The following TUBA4A variants were observed in gnomAD, a reference collection of about 807,000 sequenced individuals.
TUBA4A encodes the protein tubulin alpha 4a.
In TUBA4A, 23 loss-of-function variants were observed where a neutral mutation model predicts 34.3. The observed-to-expected ratio is 0.67, with a 90% CI of 0.48 to 0.95. The LOEUF (loss-of-function observed/expected upper bound fraction) is 0.95, where lower values mean the gene tolerates loss of function less well. Among genes scored for constraint, TUBA4A ranks in the 40% least tolerant of loss-of-function variants. The pLI, the probability that TUBA4A is intolerant of heterozygous loss-of-function variation, is 0.00. For synonymous variants in TUBA4A, 216 were observed against 230.5 expected (o/e 0.94, Z 0.57); for missense variants, 279 against 599.0 (o/e 0.47, Z 5.58).
At position 219,252,349 on chromosome 2, in the gene TUBA4A, G is replaced by A; in HGVS notation, c.4-119C>T. ...GATGACTCAGTTGGCAAGAGTGGAG[G>A]GTTGGGGCTGGGCAGAGGTGAGAAG... On this transcript the variant is annotated intron_variant, in intron 1 of 3. Transcript: ENST00000248437. This position sits in a 1 kb window ranked among gnomAD's most constrained non-coding sequence, Gnocchi z 4.1. The A allele has an allele frequency of 9.9e-7, 1 of 1,006,118 alleles. No individual in the cohort carries two copies. The highest frequency in any genetic ancestry group is 1.5e-5 in the South Asian group (1 of 65,080). 62.3% of individuals were successfully genotyped at this position (1,006,118 alleles called of 1,614,324 possible). A position where few individuals can be genotyped will look rare whatever the true frequency, so the allele number is the denominator to read the frequency against.
chr2:219,254,099 C>A, upstream of TUBA4A: 1 of 422,892 alleles, frequency 2.4e-6, no homozygotes, highest in Non-Finnish European at 4.3e-6. Flanking sequence ...CCTCACCTGT[C>A]CCGCTGGGAT....
In TUBA4A at chr2:219,250,132, T is replaced by C. The variant is rs1951620458; in HGVS notation, c.*220A>G. 2 of 683,830 alleles carry C rather than the reference T, an allele frequency of 2.9e-6. No individual in the cohort carries two copies. The highest frequency in any genetic ancestry group is 2.7e-5 in the Admixed American group (1 of 36,722). 42.4% of individuals were successfully genotyped at this position (683,830 alleles called of 1,614,324 possible). ...CCCTAGGACTTCAATTTAAAGTCCC[T>C]GGGGTTATGCTTCCTGGGCCTGGCA... On this transcript the variant is annotated 3_prime_UTR_variant, in exon 4 of 4. Transcript: ENST00000248437. The surrounding 1 kb of genome is among the most constrained non-coding windows in gnomAD (Gnocchi z 8.4).
Position 219,251,406 on chromosome 2 carries a change from A to C in TUBA4A, c.376-83T>G. 1.9e-6 allele frequency: 3 copies of C among 1,542,288 alleles called. No homozygotes were observed. The highest frequency in any genetic ancestry group is 2.6e-6 in the Non-Finnish European group (3 of 1,143,142). On this transcript the variant is annotated intron_variant, in intron 3 of 3. Coordinates refer to ENST00000248437, the MANE Select transcript of TUBA4A (RefSeq NM_006000.3). This position sits in a 1 kb window ranked among gnomAD's most constrained non-coding sequence, Gnocchi z 6.1. The stretch of plus-strand genomic sequence containing the variant: ...ATCACCTGGCTCCATAAAGCGTAAG[A>C]TACATCAGCAGTCAGGGCAAATACT...
upstream of TUBA4A, chr2:219,254,196 G>A (rs895171621): frequency 2.2e-5 from 6 of 270,244 alleles, no homozygotes; most frequent in Admixed American, 5.3e-5. Context: ...GAGATGCAGG[G>A]TGCTGTGGCA....
At chr2:219,253,205 C>G (rs777145784) in intron 1 of TUBA4A, 24 of 1,497,066 alleles carry the variant, frequency 1.6e-5, no homozygotes, top group African/African-American at 8.4e-5. Context: ...CCCCTCCCCC[C>G]AACCTGGCCT....
chr2:219,251,936 T>A lies in TUBA4A; in HGVS notation c.226+72A>T. 6.6e-7 allele frequency: 1 copy of A among 1,513,064 alleles called. No homozygotes were observed. Among genetic ancestry groups the A allele is most frequent in the Non-Finnish European group, 9.1e-7 (1 of 1,098,052 alleles). The allele number at this position is 1,513,064 out of a possible 1,614,324, so 93.7% of individuals were successfully genotyped here. On this transcript the variant is annotated intron_variant, in intron 2 of 3. Coordinates refer to ENST00000248437, the MANE Select transcript of TUBA4A (RefSeq NM_006000.3). The surrounding 1 kb of genome is among the most constrained non-coding windows in gnomAD (Gnocchi z 6.1). ...CAGGGCTAGGAATGCCTGGTCTAAA[T>A]ACCCTCTCTCTCCAGGGAGAAGCTT...
Position 219,252,201 on chromosome 2 carries a change from C to T in TUBA4A, c.33G>A (p.Gln11=). Residue 11 remains glutamine, a synonymous_variant, in exon 2 of 4, where the codon CAG becomes CAA. Coordinates refer to ENST00000248437, the MANE Select transcript of TUBA4A (RefSeq NM_006000.3). The surrounding 1 kb of genome is among the most constrained non-coding windows in gnomAD (Gnocchi z 4.1). ...AGGCATTGCCCATCTGGACACCTGC[C>T]TGCCCCACGTGGACTGAGATGCATT... MRECISVHVG[Q]AGVQMGNACW... 6.2e-7 allele frequency: 1 copy of T among 1,614,118 alleles called. No homozygotes were observed.
Position 219,251,554 on chromosome 2 carries a change from C to T in TUBA4A, c.375+11G>A, listed in dbSNP as rs1206134430. 4 of 1,611,610 alleles carry T rather than the reference C, an allele frequency of 2.5e-6. No individual in the cohort carries two copies. Among genetic ancestry groups the T allele is most frequent in the African/African-American group, 2.7e-5 (2 of 74,980 alleles). On this transcript the variant is annotated intron_variant, in intron 3 of 3. Transcript: ENST00000248437. This position sits in a 1 kb window ranked among gnomAD's most constrained non-coding sequence, Gnocchi z 6.1. ...CTCAAAAGTTCCCTCCCTCCCAAGA[C>T]ACACTCTCACCAGCTTGCGGATCCG... is the stretch of plus-strand genomic sequence containing the variant.
rs1244551951 is a variant in TUBA4A, at chr2:219,252,903, G to C, written c.4-673C>G. 1 of 473,954 alleles carries C rather than the reference G, an allele frequency of 2.1e-6. No homozygotes were observed. The highest frequency in any genetic ancestry group is 4.4e-6 in the Non-Finnish European group (1 of 229,248). The allele number at this position is 473,954 out of a possible 1,614,324, so 29.4% of individuals were successfully genotyped here. On this transcript the variant is annotated intron_variant, in intron 1 of 3. Transcript: ENST00000248437. The surrounding 1 kb of genome is among the most constrained non-coding windows in gnomAD (Gnocchi z 4.1). ...GCTCACTGCCTTAGGCTCCGTCCCT[G>C]TCAGCCCGAAATTAACCCCTAAAGC...
chr2:219,254,081 C>CG (rs1416769773), upstream of TUBA4A: 16 of 442,666 alleles, frequency 3.6e-5, no homozygotes, highest in Non-Finnish European at 4.9e-5. Context: ...CCAAGCTGCG[C>CG]GGGGGTCCCT....
Position 219,251,325 on chromosome 2 carries a change from T to C in TUBA4A, c.376-2A>G, listed in dbSNP as rs989170768. ...CTGAAGTCCTGTGCACTGGTCAGAC[T>C]GAAAGGCAAGAACGAGAAAGAACAG... On this transcript the variant is annotated splice_acceptor_variant, in intron 3 of 3. Coordinates refer to ENST00000248437, the MANE Select transcript of TUBA4A (RefSeq NM_006000.3). LOFTEE classifies it high-confidence loss of function. This position sits in a 1 kb window ranked among gnomAD's most constrained non-coding sequence, Gnocchi z 6.1. 1 of 1,597,814 alleles carries C rather than the reference T, an allele frequency of 6.3e-7. No individual in the cohort carries two copies. The highest frequency in any genetic ancestry group is 8.5e-7 in the Non-Finnish European group (1 of 1,170,254).
rs757156202 is a variant in TUBA4A, at chr2:219,252,095, C to A, written c.139G>T (p.Asp47Tyr). ...PSDKTIGGGD[D>Y]SFTTFFCETG... ...TCACAGAAGAAGGTGGTGAAGGAGTCGTCCCCTCCACCAATGGTCTTGTCA... is the reference window on the plus strand; with the variant it reads ...TCACAGAAGAAGGTGGTGAAGGAGTAGTCCCCTCCACCAATGGTCTTGTCA... The change falls in exon 2 of 4, where the codon GAC becomes TAC. Residue 47 changes from aspartate (D) to tyrosine (Y), a missense_variant. Physicochemically the swap from Asp to Tyr is radical, Grantham distance 160. Transcript: ENST00000248437. The surrounding 1 kb of genome is among the most constrained non-coding windows in gnomAD (Gnocchi z 4.1). 6.2e-7 allele frequency: 1 copy of A among 1,614,170 alleles called. No individual in the cohort carries two copies. Among genetic ancestry groups the A allele is most frequent in the South Asian group, 1.1e-5 (1 of 91,088 alleles).
rs531647997 is a variant in TUBA4A, at chr2:219,250,577, G to A, written c.1122C>T (p.Ala374=). The A allele has an allele frequency of 3.1e-6, 5 of 1,614,096 alleles. No homozygotes were observed. The highest frequency in any genetic ancestry group is 2.2e-5 in the South Asian group (2 of 91,088). ...PGGDLAKVQR[A]VCMLSNTTAI... ...CGGTCGTGTTGCTCAGCATGCACAC[G>A]GCACGCTGCACCTTGGCCAGGTCAC... The change falls in exon 4 of 4, where the codon GCC becomes GCT. Residue 374 remains alanine (A), a synonymous_variant. Coordinates refer to ENST00000248437, the MANE Select transcript of TUBA4A (RefSeq NM_006000.3). This position sits in a 1 kb window ranked among gnomAD's most constrained non-coding sequence, Gnocchi z 8.4.
intron 1 of TUBA4A, chr2:219,253,452 G>A (rs1337733728): frequency 6.8e-7 from 1 of 1,463,262 alleles, no homozygotes; most frequent in Non-Finnish European, 9.3e-7. Context: ...CTAGCGCCAA[G>A]CACGTGCTCG....
At chr2:219,253,306 AC>A in intron 1 of TUBA4A, 1 of 1,518,214 alleles carries the variant, frequency 6.6e-7, no homozygotes, top group Non-Finnish European at 8.8e-7. Context: ...AGGAGGCCGA[AC>A]CCCGTTCCCA....
rs771016886 is a variant in TUBA4A at position 219,251,754 on chromosome 2, C to T, written c.227-41G>A. Reference sequence around the variant, plus strand: ...CCACAAAGCTATGCTCAGCAGGGACCTTCCTCCCCCAGGGTGGTAGCTGTG... The same window carrying T: ...CCACAAAGCTATGCTCAGCAGGGACTTTCCTCCCCCAGGGTGGTAGCTGTG... On this transcript the variant is annotated intron_variant, in intron 2 of 3. Coordinates refer to ENST00000248437, the MANE Select transcript of TUBA4A (RefSeq NM_006000.3). The surrounding 1 kb of genome is among the most constrained non-coding windows in gnomAD (Gnocchi z 6.1). 4 of 1,589,904 alleles carry T rather than the reference C, an allele frequency of 2.5e-6. No homozygotes were observed. The highest frequency in any genetic ancestry group is 4.5e-5 in the East Asian group (2 of 44,508).
rs756797017 is a variant in TUBA4A, at chr2:219,251,541, C to T, written c.375+24G>A. The T allele has an allele frequency of 1.2e-6, 2 of 1,606,212 alleles. No individual in the cohort carries two copies. The highest frequency in any genetic ancestry group is 2.2e-5 in the East Asian group (1 of 44,680). ...CCATTAGCACAGTCTCAAAAGTTCC[C>T]TCCCTCCCAAGACACACTCTCACCA... On this transcript the variant is annotated intron_variant, in intron 3 of 3. Coordinates refer to ENST00000248437, the MANE Select transcript of TUBA4A (RefSeq NM_006000.3). The surrounding 1 kb of genome is among the most constrained non-coding windows in gnomAD (Gnocchi z 6.1).
rs1574884786 is a variant in TUBA4A at position 219,251,276 on chromosome 2, A to G, written c.423T>C (p.Phe141=). 6.2e-7 allele frequency: 1 copy of G among 1,613,888 alleles called. No individual in the cohort carries two copies. Among genetic ancestry groups the G allele is most frequent in the Non-Finnish European group, 8.5e-7 (1 of 1,179,848 alleles). ...TGAAGCCAGAGCCAGTGCCCCCACCAAAGCTGTGGAACACCAGGAAGCCCT... is the reference window on the plus strand; with the variant it reads ...TGAAGCCAGAGCCAGTGCCCCCACCGAAGCTGTGGAACACCAGGAAGCCCT... The part of the protein sequence containing the change: ...GLQGFLVFHS[F]GGGTGSGFTS... The change falls in exon 4 of 4, where the codon TTT becomes TTC. Residue 141 remains phenylalanine (F), a synonymous_variant. Coordinates refer to ENST00000248437, the MANE Select transcript of TUBA4A (RefSeq NM_006000.3). The surrounding 1 kb of genome is among the most constrained non-coding windows in gnomAD (Gnocchi z 6.1).
In TUBA4A at chr2:219,251,685, C is replaced by T. The variant is rs763842483; in HGVS notation, c.255G>A (p.Gln85=). 1.2e-6 allele frequency: 2 copies of T among 1,614,012 alleles called. No individual in the cohort carries two copies. Among genetic ancestry groups the T allele is most frequent in the Non-Finnish European group, 1.7e-6 (2 of 1,179,942 alleles). The change falls in exon 3 of 4, where the codon CAG becomes CAA. Residue 85 remains glutamine, a synonymous_variant. Coordinates refer to ENST00000248437, the MANE Select transcript of TUBA4A (RefSeq NM_006000.3). This position sits in a 1 kb window ranked among gnomAD's most constrained non-coding sequence, Gnocchi z 6.1. ...IDEIRNGPYR[Q]LFHPEQLITG... is the part of the protein sequence containing the mutation. ...TGATGAGCTGCTCTGGGTGGAAGAGCTGTCGGTATGGGCCATTTCGGATCT... is the reference window on the plus strand; with the variant it reads ...TGATGAGCTGCTCTGGGTGGAAGAGTTGTCGGTATGGGCCATTTCGGATCT...
Sources: gnomAD v4.1 joint callset for allele counts on GRCh38, gnomAD v4.1.1 for gene constraint, Gnocchi (gnomAD v3.1) non-coding constraint, MANE v1.5 for transcripts, NCBI Gene and HGNC (gene_info 2026-07-23, HGNC 2026-07-21) for gene names.